DCC: variants seen among roughly 807,000 people sequenced by gnomAD.
DCC encodes the protein DCC netrin 1 receptor.
A neutral mutation model predicts 172.5 loss-of-function variants in DCC; 58 were observed. The observed-to-expected ratio is 0.34, with a 90% CI of 0.27 to 0.42. The LOEUF is 0.42. DCC is among the 10% of genes least tolerant of loss of function. DCC has a pLI of 1.00. For missense variants in DCC, 1,740 were observed against 1,791.0 expected (o/e 0.97, Z 0.51); for synonymous variants, 709 against 644.5 (o/e 1.10, Z -1.52).
chr18:52,381,118 G>A (rs1985566258), intron 1 of DCC, among the ~76,000 whole-genome samples: 1 of 152,122 alleles, frequency 6.6e-6, no homozygotes, highest in South Asian at 2.1e-4. Flanking sequence ...AATAATTAGT[G>A]TTGCTGAATT....
At chr18:52,962,205 C>A (rs1232436663) in intron 5 of DCC, among the ~76,000 whole-genome samples, 1 of 151,610 alleles carries the variant, frequency 6.6e-6, no homozygotes, top group Non-Finnish European at 1.5e-5. Context: ...TCACAACCTA[C>A]TTATCTGACA....
chr18:52,555,934 C>A (rs1276263225), intron 1 of DCC, among the ~76,000 whole-genome samples: 1 of 152,054 alleles, frequency 6.6e-6, no homozygotes, highest in African/African-American at 2.4e-5. Context: ...TCCCATTACC[C>A]ACAGTCATTA....
intron 24 of DCC, among the ~76,000 whole-genome samples, chr18:53,459,916 C>T (rs766213319): frequency 3.0e-4 from 45 of 151,670 alleles, no homozygotes; most frequent in Non-Finnish European, 2.8e-4. Flanking sequence ...ACTTGAAGTA[C>T]AAAAAAACTG....
intron 5 of DCC, among the ~76,000 whole-genome samples, chr18:52,929,687 G>C (rs1012910244): frequency 2.0e-5 from 3 of 151,918 alleles, no homozygotes; most frequent in Admixed American, 2.0e-4. Context: ...TGTATAATCA[G>C]AAAAATAAAT....
intron 1 of DCC, among the ~76,000 whole-genome samples, chr18:52,542,696 G>C (rs1398931065): frequency 1.3e-5 from 2 of 152,102 alleles, no homozygotes; most frequent in Non-Finnish European, 2.9e-5. Flanking sequence ...AAATTTAGCT[G>C]GGTGTGGTGG....
chr18:52,599,796 G>A (rs1294760866), intron 1 of DCC, among the ~76,000 whole-genome samples: 1 of 152,068 alleles, frequency 6.6e-6, no homozygotes, highest in Non-Finnish European at 1.5e-5. Flanking sequence ...TAACAGGTTT[G>A]AGCCACCGCG....
At chr18:53,272,660 C>T (rs2056762080) in intron 12 of DCC, among the ~76,000 whole-genome samples, 1 of 152,094 alleles carries the variant, frequency 6.6e-6, no homozygotes, top group African/African-American at 2.4e-5. Context: ...TGAGTGTCTA[C>T]TCTGGACCAC....
Position 53,459,327 on chromosome 18 carries a change from A to C in DCC, c.3488A>C (p.Lys1163Thr), listed in dbSNP as rs2045521936. ...ATCCATCATGAAGAAATGGAGATGAAAAATATTGAAAAGCCATCTGGCACT... is the reference window on the plus strand; with the variant it reads ...ATCCATCATGAAGAAATGGAGATGACAAATATTGAAAAGCCATCTGGCACT... ...LWIHHEEMEM[K>T]NIEKPSGTDP... Residue 1163 changes from lysine to threonine, a missense_variant, in exon 24 of 29, where the codon AAA (lysine) becomes ACA (threonine). Lys to Thr is a moderately conservative substitution (Grantham distance 78). Around this residue, in one of 2 missense-constraint regions of DCC, gnomAD observed 1,732 missense variants for 1,767.4 expected, o/e 0.98. Transcript: ENST00000442544. 1 of 1,614,064 alleles carries C rather than the reference A, an allele frequency of 6.2e-7. No individual in the cohort carries two copies. Among genetic ancestry groups the C allele is most frequent in the Admixed American group, 1.7e-5 (1 of 60,000 alleles).
intron 1 of DCC, among the ~76,000 whole-genome samples, chr18:52,653,365 A>G (rs2035179860): frequency 6.6e-6 from 1 of 152,178 alleles, no homozygotes; most frequent in Non-Finnish European, 1.5e-5. Context: ...ATGTGATAGG[A>G]GATTTATGTT....
chr18:52,935,296 T>A (rs567012419), intron 5 of DCC, among the ~76,000 whole-genome samples: 1 of 152,134 alleles, frequency 6.6e-6, no homozygotes, highest in Non-Finnish European at 1.5e-5. Context: ...TTCGCTATCA[T>A]CCCTTTATTT....
At chr18:52,792,191 G>A (rs1339844640) in intron 2 of DCC, among the ~76,000 whole-genome samples, 1 of 152,058 alleles carries the variant, frequency 6.6e-6, no homozygotes, top group Non-Finnish European at 1.5e-5. Context: ...CTCACTGTGG[G>A]GGGTGCGAGG....
At chr18:53,226,948 A>ATATATATT in intron 12 of DCC, among the ~76,000 whole-genome samples, 4 of 52,950 alleles carry the variant, frequency 7.6e-5, no homozygotes, top group African/African-American at 1.9e-4. Flanking sequence ...ATATATATAT[A>ATATATATT]TTTTTTTTTT....
intron 7 of DCC, among the ~76,000 whole-genome samples, chr18:53,132,594 A>C (rs1214055110): frequency 1.3e-5 from 2 of 152,170 alleles, no homozygotes; most frequent in Non-Finnish European, 2.9e-5. Flanking sequence ...AGGCTGTCAA[A>C]TATAATTTAG....
Position 52,908,952 on chromosome 18 carries a change from A to C in DCC, c.697+2624A>C, listed in dbSNP as rs926494884. ...CACAGGTTATTGTCATACTTGGCTAAGCCTGTCTCGTATGCTAGCTGCCAA... is the reference window on the plus strand; with the variant it reads ...CACAGGTTATTGTCATACTTGGCTACGCCTGTCTCGTATGCTAGCTGCCAA... On this transcript the variant is annotated intron_variant, in intron 3 of 28. Transcript: ENST00000442544. 1.3e-5 allele frequency among the ~76,000 whole-genome samples: 2 copies of C among 152,186 alleles called. 1 individual carries two copies. Among genetic ancestry groups the C allele is most frequent in the South Asian group, 4.1e-4 (2 of 4,834 alleles).
At chr18:53,231,962 T>G (rs2056128129) in intron 12 of DCC, among the ~76,000 whole-genome samples, 1 of 152,142 alleles carries the variant, frequency 6.6e-6, no homozygotes, top group South Asian at 2.1e-4. Flanking sequence ...TTCAAGCTCA[T>G]GCTTGAACTT....
At chr18:53,479,823 C>G (rs1160505852) in intron 25 of DCC, among the ~76,000 whole-genome samples, 1 of 152,138 alleles carries the variant, frequency 6.6e-6, no homozygotes, top group Admixed American at 6.6e-5. Context: ...TTCCTAATAT[C>G]TTAGAGATTT....
chr18:53,007,314 G>A (rs766412865), intron 5 of DCC, among the ~76,000 whole-genome samples: 12 of 152,094 alleles, frequency 7.9e-5, no homozygotes, highest in Non-Finnish European at 1.2e-4. Flanking sequence ...AGGTTTAGAC[G>A]TGAATGTCAG....
chr18:53,250,895 A>T (rs141310673), intron 12 of DCC, among the ~76,000 whole-genome samples: 1 of 151,752 alleles, frequency 6.6e-6, no homozygotes, highest in Non-Finnish European at 1.5e-5. Flanking sequence ...TCATTTTCCT[A>T]AACCTGTTCT....
At chr18:52,424,999 G>A (rs1987376886) in intron 1 of DCC, among the ~76,000 whole-genome samples, 1 of 151,842 alleles carries the variant, frequency 6.6e-6, no homozygotes, top group Non-Finnish European at 1.5e-5. Context: ...ATGGCATACT[G>A]GTCAAATCAG....
Sources: gnomAD v4.1 joint callset for allele counts (sites outside exome capture counted in the v4.1 genomes callset) on GRCh38, gnomAD v4.1.1 for gene constraint, gnomAD v4.1.1 regional missense constraint, MANE v1.5 for transcripts, NCBI Gene and HGNC (gene_info 2026-07-23, HGNC 2026-07-21) for gene names.